Variants in GRIP2 observed in about 807,000 individuals in gnomAD.
The protein encoded by GRIP2 is glutamate receptor interacting protein 2, also known as glutamate receptor-interacting protein 2.
A neutral mutation model predicts 108.3 loss-of-function variants in GRIP2; 58 were observed. That is an observed-to-expected ratio of 0.54 (90% CI 0.43 to 0.67). GRIP2 has a LOEUF of 0.67. Ranked by LOEUF, GRIP2 falls within the 30% of genes least tolerant of loss-of-function variation. GRIP2 has a pLI of 0.00. For missense variants in GRIP2, 1,278 were observed against 1,430.6 expected (o/e 0.89, Z 1.72); for synonymous variants, 586 against 598.2 (o/e 0.98, Z 0.30).
rs1023878190 is a variant in GRIP2 at position 14,489,717 on chromosome 3, G to C, written c.*3948C>G. 6.6e-6 allele frequency: 1 copy of C among 152,330 alleles called. No homozygotes were observed. The highest frequency in any genetic ancestry group is 1.5e-5 in the Non-Finnish European group (1 of 68,144). The allele number at this position is 152,330 out of a possible 1,614,324, so 9.4% of individuals were successfully genotyped here. The stretch of plus-strand genomic sequence containing the variant: ...CATCAAGGCCACCAGGATGATTGGA[G>C]GTGATGCTCTTGGCCTTAGGTGCTC... On this transcript the variant is annotated 3_prime_UTR_variant, in exon 24 of 24. Transcript: ENST00000621039.
At chr3:14,573,846 A>T in the GRIP2 span, 1 of 1,424,350 alleles carries the variant, frequency 7.0e-7, no homozygotes. Flanking sequence ...CTTCACCCAC[A>T]TTGCCAGCAT....
intron 1 of GRIP2, among the ~76,000 whole-genome samples, chr3:14,547,299 A>G (rs1203878417): frequency 6.6e-6 from 1 of 152,220 alleles, no homozygotes; most frequent in Non-Finnish European, 1.5e-5. Flanking sequence ...AGCACTATCT[A>G]TGCTGCAAGG....
chr3:14,585,413 C>A, the GRIP2 span, among the ~76,000 whole-genome samples: 2 of 152,256 alleles, frequency 1.3e-5, no homozygotes, highest in Non-Finnish European at 1.5e-5. Context: ...ATGGGGCCCA[C>A]ACAGCCTCCA....
At chr3:14,518,452 G>C (rs1156484132) in intron 9 of GRIP2, among the ~76,000 whole-genome samples, 2 of 152,176 alleles carry the variant, frequency 1.3e-5, no homozygotes, top group African/African-American at 4.8e-5. Context: ...CACGGGCTGA[G>C]GCTGCTCCCC....
chr3:14,568,369 T>C, the GRIP2 span, among the ~76,000 whole-genome samples: 3 of 152,128 alleles, frequency 2.0e-5, no homozygotes, highest in African/African-American at 7.2e-5. Flanking sequence ...AGAAAAGTAG[T>C]GACTCATTAT....
At chr3:14,547,411 A>C (rs926258776) in intron 1 of GRIP2, among the ~76,000 whole-genome samples, 1 of 152,230 alleles carries the variant, frequency 6.6e-6, no homozygotes, top group Non-Finnish European at 1.5e-5. Flanking sequence ...AAATAAGATT[A>C]TACAGAGCCA....
chr3:14,517,646 C>T lies in GRIP2; in HGVS notation c.1156+126G>A, dbSNP rs1397925359. ...CCTCCCGAGTGGCTGGGACCACAGG[C>T]GTGCACCACCACACCCAGCTCACTA... On this transcript the variant is annotated intron_variant, in intron 10 of 23. Transcript: ENST00000621039. 12 of 1,241,488 alleles carry T rather than the reference C, an allele frequency of 9.7e-6. No individual in the cohort carries two copies. The East Asian group carries it at 1.0e-4, about 11-fold the overall frequency. 76.9% of individuals were successfully genotyped at this position (1,241,488 alleles called of 1,614,324 possible).
the GRIP2 span, among the ~76,000 whole-genome samples, chr3:14,593,356 C>T: frequency 1.3e-5 from 2 of 152,250 alleles, no homozygotes; most frequent in African/African-American, 4.8e-5. Flanking sequence ...GCCTAGGGGC[C>T]TCCCCACTGG....
the GRIP2 span, among the ~76,000 whole-genome samples, chr3:14,600,904 T>C: frequency 6.6e-6 from 1 of 152,186 alleles, no homozygotes; most frequent in South Asian, 2.1e-4. Flanking sequence ...GGCATTGGCC[T>C]TCTCTCAAGA....
intron 21 of GRIP2, 28 bp downstream of exon 21, chr3:14,503,538 T>C: frequency 6.4e-7 from 1 of 1,556,298 alleles, no homozygotes; most frequent in Non-Finnish European, 8.8e-7. Flanking sequence ...GGGTGCCCCA[T>C]GCAGGCCTGC....
At chr3:14,556,270 A>C (rs930707186), upstream of GRIP2, among the ~76,000 whole-genome samples, 2 of 151,668 alleles carry the variant, frequency 1.3e-5, no homozygotes, top group Non-Finnish European at 2.9e-5. Context: ...CACCTGGCCC[A>C]CCCCACCTTT....
At chr3:14,555,716 G>A (rs1278256129) in intron 1 of GRIP2, among the ~76,000 whole-genome samples, 1 of 152,176 alleles carries the variant, frequency 6.6e-6, no homozygotes, top group Non-Finnish European at 1.5e-5. Context: ...CAGAGCGGTG[G>A]AGAGACTGGG....
chr3:14,586,631 A>T, the GRIP2 span, among the ~76,000 whole-genome samples: 1 of 152,176 alleles, frequency 6.6e-6, no homozygotes, highest in African/African-American at 2.4e-5. Flanking sequence ...GAATAGCCAT[A>T]CTCCAGGAGA....
At chr3:14,567,730 C>T in the GRIP2 span, among the ~76,000 whole-genome samples, 1 of 152,258 alleles carries the variant, frequency 6.6e-6, no homozygotes, top group African/African-American at 2.4e-5. Context: ...CATTCACTTG[C>T]TCATGTGCTG....
At chr3:14,567,189 C>T in the GRIP2 span, among the ~76,000 whole-genome samples, 1 of 152,198 alleles carries the variant, frequency 6.6e-6, no homozygotes, top group African/African-American at 2.4e-5. Context: ...ACTCACTCAG[C>T]AGTGAGGGCA....
chr3:14,502,493 C>CAA (rs10641106), intron 21 of GRIP2, among the ~76,000 whole-genome samples: 18,166 of 126,444 alleles, frequency 0.14, 1,608 homozygotes, highest in African/African-American at 0.27. Context: ...GACTCTGTCT[C>CAA]AAAAAAAAAA....
intron 17 of GRIP2, 38 bp downstream of exon 17, chr3:14,509,782 C>A (rs1024126100): frequency 7.1e-7 from 1 of 1,398,964 alleles, no homozygotes. Context: ...CCTGTGTTCC[C>A]TGAGCCCACC....
intron 1 of GRIP2, among the ~76,000 whole-genome samples, chr3:14,552,433 A>G (rs1695164958): frequency 6.6e-6 from 1 of 152,194 alleles, no homozygotes; most frequent in African/African-American, 2.4e-5. Flanking sequence ...CCTATGACGT[A>G]ATAGATGCTC....
At chr3:14,495,309 G>A (rs112019049) in intron 22 of GRIP2, among the ~76,000 whole-genome samples, 4 of 152,184 alleles carry the variant, frequency 2.6e-5, no homozygotes, top group African/African-American at 4.8e-5. Context: ...TCCCCTGACC[G>A]TCACTCATTC....
Sources: allele counts gnomAD v4.1 joint callset (sites outside exome capture counted in the v4.1 genomes callset), GRCh38; gene constraint gnomAD v4.1.1; transcripts MANE v1.5; gene names NCBI Gene and HGNC (gene_info 2026-07-23, HGNC 2026-07-21).